The following CAMTA1 variants were observed in gnomAD, a reference collection of about 807,000 sequenced individuals.
CAMTA1 encodes the protein calmodulin binding transcription activator 1.
Under a neutral mutation model 170.9 loss-of-function variants are expected in CAMTA1, and 27 were observed. The observed-to-expected ratio is 0.16, with a 90% CI of 0.12 to 0.22. CAMTA1 has a LOEUF of 0.22. Among genes scored for constraint, CAMTA1 ranks in the 10% least tolerant of loss-of-function variants. The pLI, the probability that CAMTA1 is intolerant of heterozygous loss-of-function variation, is 1.00. For synonymous variants in CAMTA1, 833 were observed against 891.5 expected (o/e 0.93, Z 1.17); for missense variants, 1,619 against 2,217.2 (o/e 0.73, Z 5.42).
chr1:7,701,948 T>C (rs947418), intron 11 of CAMTA1, among the ~76,000 whole-genome samples: 140,789 of 152,158 alleles, frequency 0.93, 65,234 homozygotes, highest in East Asian at 1. Flanking sequence ...AGATTCAGTT[T>C]TAGGGCGCTG....
chr1:7,128,671 T>C (rs907792852), intron 4 of CAMTA1, among the ~76,000 whole-genome samples: 7 of 152,012 alleles, frequency 4.6e-5, no homozygotes, highest in African/African-American at 1.7e-4. Flanking sequence ...TTTTTTTTTT[T>C]TTTAAGATGA....
At position 7,565,925 on chromosome 1, in the gene CAMTA1, GGAGA is replaced by G. The variant is rs112929831; in HGVS notation, c.511-74454_511-74451del. Among the ~76,000 whole-genome samples the G allele has an allele frequency of 0.04, 5,983 of 148,852 alleles. 410 individuals carry two copies. Among genetic ancestry groups the G allele is most frequent in the African/African-American group, 0.14 (5,664 of 40,598 alleles). ...TTCTCGCTGTGTCCTCACATAGTAG[GGAGA>G]GAGAGAGAGAGAGAGAGAGAATCTT... On this transcript the variant is annotated intron_variant, in intron 6 of 22. Coordinates refer to ENST00000303635, the MANE Select transcript of CAMTA1 (RefSeq NM_015215.4). The surrounding 1 kb of genome is among the most constrained non-coding windows in gnomAD (Gnocchi z 4.5).
rs2092605433 is a variant in CAMTA1 at position 7,443,578 on chromosome 1, C to T, written c.439-24252C>T. On this transcript the variant is annotated intron_variant, in intron 5 of 22. Transcript: ENST00000303635. The surrounding 1 kb of genome is among the most constrained non-coding windows in gnomAD (Gnocchi z 4.1). ...TGCTAGGGCACTGGGAACCCAGTCT[C>T]ACCTTCCAGCCATATTGAGTGGCAC... 6.6e-6 allele frequency among the ~76,000 whole-genome samples: 1 copy of T among 151,670 alleles called. No individual in the cohort carries two copies. The highest frequency in any genetic ancestry group is 2.4e-5 in the African/African-American group (1 of 41,392).
chr1:7,180,056 A>G (rs1277773908), intron 4 of CAMTA1, among the ~76,000 whole-genome samples: 2 of 152,206 alleles, frequency 1.3e-5, no homozygotes, highest in Non-Finnish European at 2.9e-5. Context: ...CCATTGACAT[A>G]GAAGACATTT....
At chr1:7,025,582 C>A (rs6681726) in intron 3 of CAMTA1, among the ~76,000 whole-genome samples, 1 of 152,050 alleles carries the variant, frequency 6.6e-6, no homozygotes, top group Admixed American at 6.5e-5. Context: ...GGCCAGATGC[C>A]GGGGAGAGAA....
At chr1:6,912,618 C>T (rs532728713) in intron 3 of CAMTA1, among the ~76,000 whole-genome samples, 4 of 152,354 alleles carry the variant, frequency 2.6e-5, no homozygotes, top group East Asian at 1.9e-4. Flanking sequence ...GGCTCTGTCC[C>T]TCCGCAGGGG....
chr1:7,366,224 T>C (rs1275604860), intron 5 of CAMTA1, among the ~76,000 whole-genome samples: 1 of 152,186 alleles, frequency 6.6e-6, no homozygotes, highest in Non-Finnish European at 1.5e-5. Context: ...GCAGAGGGGA[T>C]GTCTTCAGCA....
At chr1:7,205,111 G>A (rs180713055) in intron 4 of CAMTA1, among the ~76,000 whole-genome samples, 69 of 151,936 alleles carry the variant, frequency 4.5e-4, no homozygotes, top group African/African-American at 1.5e-3. Flanking sequence ...TTACAGGCGT[G>A]AGCCACCGCG....
chr1:6,957,072 G>C (rs1010778208), intron 3 of CAMTA1, among the ~76,000 whole-genome samples: 6 of 152,234 alleles, frequency 3.9e-5, no homozygotes, highest in Non-Finnish European at 8.8e-5. Flanking sequence ...TTGGATGTGG[G>C]GCTGGGACCT....
At chr1:7,351,838 A>G (rs2084697323) in intron 5 of CAMTA1, among the ~76,000 whole-genome samples, 1 of 152,234 alleles carries the variant, frequency 6.6e-6, no homozygotes, top group African/African-American at 2.4e-5. Context: ...CTTGACATTT[A>G]TGGCAAGTAT....
intron 3 of CAMTA1, among the ~76,000 whole-genome samples, chr1:6,927,039 C>T (rs1025241473): frequency 6.6e-6 from 1 of 151,986 alleles, no homozygotes; most frequent in Non-Finnish European, 1.5e-5. Flanking sequence ...TGCACCTGGC[C>T]TCGGTGATTA....
intron 5 of CAMTA1, among the ~76,000 whole-genome samples, chr1:7,384,272 A>G (rs960773210): frequency 2.0e-5 from 3 of 152,140 alleles, no homozygotes; most frequent in African/African-American, 4.8e-5. Flanking sequence ...AAGTGGCCGC[A>G]GCTTCACGGT....
intron 6 of CAMTA1, among the ~76,000 whole-genome samples, chr1:7,528,919 C>G (rs2094460651): frequency 6.6e-6 from 1 of 152,202 alleles, no homozygotes; most frequent in Non-Finnish European, 1.5e-5. Context: ...TCCATGCCTT[C>G]TGTTCCCCTG....
intron 3 of CAMTA1, among the ~76,000 whole-genome samples, chr1:6,987,673 T>A (rs1419420069): frequency 6.6e-6 from 1 of 152,204 alleles, no homozygotes; most frequent in East Asian, 1.9e-4. Context: ...ATAAAACCCC[T>A]TACTTTTTCT....
rs1395462436 is a variant in CAMTA1, at chr1:7,248,159, C to A, written c.303-1332C>A. Among the ~76,000 whole-genome samples, 1 of 152,102 alleles carries A rather than the reference C, an allele frequency of 6.6e-6. No individual in the cohort carries two copies. The highest frequency in any genetic ancestry group is 1.5e-5 in the Non-Finnish European group (1 of 68,016). On this transcript the variant is annotated intron_variant, in intron 4 of 22. Transcript: ENST00000303635. This position sits in a 1 kb window ranked among gnomAD's most constrained non-coding sequence, Gnocchi z 4.0. ...ACCCTGGTGGGACTGTTTTTTTCCC[C>A]CCAGACAATAGAATATGAAGCCATC...
At chr1:6,809,026 T>C (rs968386586) in intron 1 of CAMTA1, among the ~76,000 whole-genome samples, 1 of 150,048 alleles carries the variant, frequency 6.7e-6, no homozygotes, top group Non-Finnish European at 1.5e-5. Flanking sequence ...TCTTCTTCTT[T>C]TTCTTTTTTT....
intron 6 of CAMTA1, among the ~76,000 whole-genome samples, chr1:7,618,580 A>G (rs1033944159): frequency 4.6e-5 from 7 of 152,136 alleles, no homozygotes; most frequent in African/African-American, 1.7e-4. Context: ...TTCCGATGAT[A>G]TTTTACAGTG....
Position 7,570,406 on chromosome 1 carries a change from C to T in CAMTA1, c.511-69994C>T, listed in dbSNP as rs540048119. Among the ~76,000 whole-genome samples, 1 of 152,192 alleles carries T rather than the reference C, an allele frequency of 6.6e-6. No homozygotes were observed. The highest frequency in any genetic ancestry group is 1.9e-4 in the East Asian group (1 of 5,178). On this transcript the variant is annotated intron_variant, in intron 6 of 22. Transcript: ENST00000303635. This position sits in a 1 kb window ranked among gnomAD's most constrained non-coding sequence, Gnocchi z 4.3. ...GCTGGAAGGGTGGAGGGAGGAAGCA[C>T]GGGGAGGAGGAAGCCAGGGGCAAAC...
intron 21 of CAMTA1, among the ~76,000 whole-genome samples, chr1:7,754,178 C>T (rs981785076): frequency 6.6e-6 from 1 of 152,172 alleles, no homozygotes; most frequent in African/African-American, 2.4e-5. Flanking sequence ...GCACTGAAAC[C>T]AATAGACTTT....
Sources: gnomAD v4.1 joint callset for allele counts (sites outside exome capture counted in the v4.1 genomes callset) on GRCh38, gnomAD v4.1.1 for gene constraint, Gnocchi (gnomAD v3.1) non-coding constraint, MANE v1.5 for transcripts, NCBI Gene and HGNC (gene_info 2026-07-23, HGNC 2026-07-21) for gene names.